Variants in GRM3 observed in about 807,000 individuals in gnomAD.
GRM3 encodes the protein metabotropic glutamate receptor 3.
A neutral mutation model predicts 70.5 loss-of-function variants in GRM3; 26 were observed. That is an observed-to-expected ratio of 0.37 (90% CI 0.27 to 0.51). The LOEUF is 0.51. GRM3 is among the 20% of genes least tolerant of loss of function. The pLI, the probability that GRM3 is intolerant of heterozygous loss-of-function variation, is 0.93. For synonymous variants in GRM3, 443 were observed against 434.9 expected (o/e 1.02, Z -0.23); for missense variants, 859 against 1,123.8 (o/e 0.76, Z 3.37).
chr7:86,732,195 G>A (rs908152800), intron 1 of GRM3, among the ~76,000 whole-genome samples: 15 of 152,086 alleles, frequency 9.9e-5, no homozygotes, highest in African/African-American at 3.4e-4. Flanking sequence ...GGAAACACAA[G>A]AGTATAAATG....
intron 1 of GRM3, among the ~76,000 whole-genome samples, chr7:86,754,994 T>C (rs546830088): frequency 1.3e-5 from 2 of 152,216 alleles, no homozygotes; most frequent in Admixed American, 6.5e-5. Flanking sequence ...TTCCTCCTAG[T>C]GGTTCTGAAA....
chr7:86,656,496 T>C (rs569121792), intron 1 of GRM3, among the ~76,000 whole-genome samples: 80 of 152,224 alleles, frequency 5.3e-4, no homozygotes, highest in Non-Finnish European at 1.1e-3. Flanking sequence ...CTCAAATTCC[T>C]GGTTTCAGGT....
chr7:86,801,321 A>T (rs1797678915), intron 3 of GRM3, among the ~76,000 whole-genome samples: 1 of 151,954 alleles, frequency 6.6e-6, no homozygotes, highest in Non-Finnish European at 1.5e-5. Context: ...TGCCCACCTC[A>T]GCCTCCCAAA....
intron 3 of GRM3, among the ~76,000 whole-genome samples, chr7:86,791,573 G>A (rs927637974): frequency 2.0e-5 from 3 of 152,164 alleles, no homozygotes; most frequent in Non-Finnish European, 4.4e-5. Context: ...GTTAGTAACA[G>A]GGGTGAGGTG....
intron 1 of GRM3, among the ~76,000 whole-genome samples, chr7:86,667,605 G>T (rs1794059525): frequency 6.6e-6 from 1 of 152,124 alleles, no homozygotes; most frequent in Non-Finnish European, 1.5e-5. Flanking sequence ...GATATTCCCT[G>T]GAGTGGGGAT....
At chr7:86,663,034 G>C (rs932497073) in intron 1 of GRM3, among the ~76,000 whole-genome samples, 10 of 151,860 alleles carry the variant, frequency 6.6e-5, no homozygotes, top group Middle Eastern at 3.4e-3. Context: ...TGATGAATAT[G>C]AAACTTTTTT....
intron 3 of GRM3, among the ~76,000 whole-genome samples, chr7:86,815,501 G>C (rs920707994): frequency 3.3e-5 from 5 of 151,750 alleles, no homozygotes; most frequent in Admixed American, 2.0e-4. Flanking sequence ...AGAAAGTAAG[G>C]GTAGTCAAGT....
chr7:86,820,768 A>T (rs1368574393), intron 3 of GRM3, among the ~76,000 whole-genome samples: 2 of 152,134 alleles, frequency 1.3e-5, no homozygotes, highest in Admixed American at 6.5e-5. Context: ...AAAATCTTTT[A>T]TGTTCCCTGA....
In GRM3 at chr7:86,812,107, G is replaced by A. The variant is rs17765146; in HGVS notation, c.1324+24991G>A. On this transcript the variant is annotated intron_variant, in intron 3 of 5. Transcript: ENST00000361669. ...TGTAGTCACGGCATTCACAACCATTGCAGTTTATTAGTTTGAAATGTTTTT... is the reference window on the plus strand; with the variant it reads ...TGTAGTCACGGCATTCACAACCATTACAGTTTATTAGTTTGAAATGTTTTT... Among the ~76,000 whole-genome samples the A allele has an allele frequency of 5.3e-3, 800 of 151,814 alleles. 15 individuals are homozygous for A. The highest frequency in any genetic ancestry group is 0.05 in the East Asian group (260 of 5,162).
intron 3 of GRM3, among the ~76,000 whole-genome samples, chr7:86,788,477 CT>C (rs1797325735): frequency 6.6e-6 from 1 of 152,188 alleles, no homozygotes; most frequent in Non-Finnish European, 1.5e-5. Context: ...ATGGATACCA[CT>C]TCTTATCATT....
At chr7:86,663,967 A>G (rs1233244255) in intron 1 of GRM3, among the ~76,000 whole-genome samples, 3 of 152,032 alleles carry the variant, frequency 2.0e-5, no homozygotes, top group Non-Finnish European at 2.9e-5. Context: ...ATTCAGTGAC[A>G]TGAGCACAGA....
intron 1 of GRM3, among the ~76,000 whole-genome samples, chr7:86,750,218 T>C (rs77027696): frequency 0.025 from 3,791 of 151,804 alleles, 156 homozygotes; most frequent in African/African-American, 0.084. Context: ...AAAGAAAGAT[T>C]ATGCTAATCT....
intron 1 of GRM3, among the ~76,000 whole-genome samples, chr7:86,666,497 A>G (rs1794029916): frequency 6.6e-6 from 1 of 152,066 alleles, no homozygotes. Context: ...TATGTAAGGG[A>G]TTTTTATATT....
At chr7:86,816,391 C>T (rs1018644447) in intron 3 of GRM3, among the ~76,000 whole-genome samples, 1 of 151,700 alleles carries the variant, frequency 6.6e-6, no homozygotes, top group African/African-American at 2.4e-5. Flanking sequence ...ATTTCATCAC[C>T]CAGGTAATAA....
At chr7:86,709,546 C>T (rs1363441569) in intron 1 of GRM3, among the ~76,000 whole-genome samples, 1 of 152,042 alleles carries the variant, frequency 6.6e-6, no homozygotes, top group Non-Finnish European at 1.5e-5. Flanking sequence ...TTCCATCAGA[C>T]CCAGCCTTGT....
intron 1 of GRM3, among the ~76,000 whole-genome samples, chr7:86,688,701 T>C (rs1794622849): frequency 6.7e-6 from 1 of 149,324 alleles, no homozygotes; most frequent in Non-Finnish European, 1.5e-5. Flanking sequence ...TATATATATA[T>C]GAGAAATATG....
chr7:86,704,047 C>T (rs376198848), intron 1 of GRM3, among the ~76,000 whole-genome samples: 2 of 151,844 alleles, frequency 1.3e-5, no homozygotes, highest in East Asian at 3.9e-4. Flanking sequence ...CTCTACTTAC[C>T]TCAGGTGATG....
chr7:86,701,998 C>T (rs1794955637), intron 1 of GRM3, among the ~76,000 whole-genome samples: 1 of 151,980 alleles, frequency 6.6e-6, no homozygotes, highest in African/African-American at 2.4e-5. Flanking sequence ...TCAAAGACCA[C>T]ATGCCAGGAA....
At chr7:86,829,077 G>C (rs939417431) in intron 3 of GRM3, among the ~76,000 whole-genome samples, 1 of 152,108 alleles carries the variant, frequency 6.6e-6, no homozygotes, top group African/African-American at 2.4e-5. Flanking sequence ...ACATCTTCAG[G>C]CTCCACTTCT....
Sources: gnomAD v4.1 joint callset for allele counts (sites outside exome capture counted in the v4.1 genomes callset) on GRCh38, gnomAD v4.1.1 for gene constraint, MANE v1.5 for transcripts, NCBI Gene and HGNC (gene_info 2026-07-23, HGNC 2026-07-21) for gene names.